LRP1B: variants seen among roughly 807,000 people sequenced by gnomAD.
LRP1B encodes low-density lipoprotein receptor-related protein 1B.
A neutral mutation model predicts 556.6 loss-of-function variants in LRP1B; 217 were observed. The ratio of observed to expected loss-of-function variants is 0.39; its 90% CI spans 0.35 to 0.44. The LOEUF (loss-of-function observed/expected upper bound fraction) is 0.44. Among genes scored for constraint, LRP1B ranks in the 20% least tolerant of loss-of-function variants. LRP1B has a pLI of 1.00. For missense variants in LRP1B, 5,053 were observed against 5,620.8 expected (o/e 0.90, Z 3.23); for synonymous variants, 2,047 against 1,865.8 (o/e 1.10, Z -2.50).
chr2:140,554,838 C>A (rs1022757777), intron 43 of LRP1B, among the ~76,000 whole-genome samples: 9 of 143,540 alleles, frequency 6.3e-5, no homozygotes, highest in African/African-American at 2.4e-4. Flanking sequence ...GCTGCTGCTT[C>A]TTTTAAAGTG....
Position 141,037,159 on chromosome 2 carries a change from T to C in LRP1B, c.1789+11827A>G, listed in dbSNP as rs1400942208. ...GCAGGAAATATTGAAAACTGAGGGA[T>C]GAAAAGACATATTCCAGGTCCCACG... On this transcript the variant is annotated intron_variant, in intron 11 of 90. Coordinates refer to ENST00000389484, the MANE Select transcript of LRP1B (RefSeq NM_018557.3). Among the ~76,000 whole-genome samples, 85 of 151,966 alleles carry C rather than the reference T, an allele frequency of 5.6e-4. 1 individual carries two copies. The highest frequency in any genetic ancestry group is 5.6e-3 in the Admixed American group (85 of 15,234).
At chr2:141,835,913 G>A (rs1680576596) in intron 1 of LRP1B, among the ~76,000 whole-genome samples, 1 of 151,730 alleles carries the variant, frequency 6.6e-6, no homozygotes, top group African/African-American at 2.4e-5. Flanking sequence ...TTCCTCAGTT[G>A]ATAAATTATT....
At position 140,294,728 on chromosome 2, in the gene LRP1B, T is replaced by C. The variant is rs182018769; in HGVS notation, c.12967+3080A>G. ...GTTGTCCTTCATTTGCATGGAATCATTTGGGGTCATGACAATGGTGGAACA... is the reference window on the plus strand; with the variant it reads ...GTTGTCCTTCATTTGCATGGAATCACTTGGGGTCATGACAATGGTGGAACA... On this transcript the variant is annotated intron_variant, in intron 84 of 90. Transcript: ENST00000389484. Among the ~76,000 whole-genome samples the C allele has an allele frequency of 2.4e-3, 369 of 152,144 alleles. 5 individuals are homozygous for C. The highest frequency in any genetic ancestry group is 0.023 in the Admixed American group (349 of 15,276).
intron 3 of LRP1B, among the ~76,000 whole-genome samples, chr2:141,276,344 T>C (rs941222287): frequency 2.0e-5 from 3 of 152,070 alleles, no homozygotes; most frequent in African/African-American, 7.2e-5. Flanking sequence ...GTTTGCTATA[T>C]AGGTAAGTTG....
chr2:141,302,646 C>T (rs1014997686), intron 3 of LRP1B, among the ~76,000 whole-genome samples: 2 of 151,996 alleles, frequency 1.3e-5, no homozygotes, highest in Non-Finnish European at 2.9e-5. Context: ...TATAGAACAG[C>T]CCTATTGTTA....
chr2:141,656,428 T>C (rs982443283), intron 2 of LRP1B, among the ~76,000 whole-genome samples: 1 of 152,186 alleles, frequency 6.6e-6, no homozygotes, highest in African/African-American at 2.4e-5. Context: ...AAATTCTTTC[T>C]GGGCAGTGTT....
intron 18 of LRP1B, among the ~76,000 whole-genome samples, chr2:140,968,467 T>TA (rs1280264021): frequency 1.3e-5 from 2 of 149,088 alleles, no homozygotes; most frequent in African/African-American, 4.9e-5. Context: ...TTGATCTTTT[T>TA]AAAAAAACAA....
At chr2:140,483,335 A>T (rs1688316477) in intron 59 of LRP1B, among the ~76,000 whole-genome samples, 1 of 151,930 alleles carries the variant, frequency 6.6e-6, no homozygotes, top group Admixed American at 6.6e-5. Flanking sequence ...TTTATGGGGT[A>T]ATAACTGTAA....
rs78665706 is a variant in LRP1B, at chr2:140,551,784, T to C, written c.7195-9813A>G. 3.1e-3 allele frequency among the ~76,000 whole-genome samples: 478 copies of C among 152,244 alleles called. 4 individuals carry two copies. The highest frequency in any genetic ancestry group is 0.011 in the African/African-American group (454 of 41,562). On this transcript the variant is annotated intron_variant, in intron 43 of 90. Transcript: ENST00000389484. The stretch of plus-strand genomic sequence containing the variant: ...GAAGAACCCAATTAATACAGCAGTA[T>C]GTACAAATGAAAGACTCCCTAAATC...
chr2:141,658,633 T>A (rs1359663243), intron 2 of LRP1B, among the ~76,000 whole-genome samples: 1 of 152,200 alleles, frequency 6.6e-6, no homozygotes, highest in Non-Finnish European at 1.5e-5. Flanking sequence ...AACTGCCCAG[T>A]CAATCCACAA....
intron 32 of LRP1B, among the ~76,000 whole-genome samples, chr2:140,808,173 G>A (rs1690790627): frequency 9.2e-6 from 1 of 109,106 alleles, no homozygotes; most frequent in Non-Finnish European, 2.2e-5. Context: ...CTTTTATCTA[G>A]CAACTTGAAA....
At position 140,373,001 on chromosome 2, in the gene LRP1B, C is replaced by A. The variant is rs369898187; in HGVS notation, c.10768+7G>T. The A allele has an allele frequency of 2.2e-5, 36 of 1,612,542 alleles. No homozygotes were observed. The African/African-American group carries it at 4.4e-4, about 20-fold the overall frequency. On this transcript the variant is annotated splice_region_variant and intron_variant, in intron 69 of 90. Coordinates refer to ENST00000389484, the MANE Select transcript of LRP1B (RefSeq NM_018557.3). Reference sequence around the variant, plus strand: ...AACTAAATGATATATTACTTCAATCCTTTTACCTGGCTCACAGCTTTTCTC... The same window carrying A: ...AACTAAATGATATATTACTTCAATCATTTTACCTGGCTCACAGCTTTTCTC...
intron 1 of LRP1B, among the ~76,000 whole-genome samples, chr2:141,919,045 G>A (rs1700111151): frequency 6.6e-6 from 1 of 151,952 alleles, no homozygotes; most frequent in Admixed American, 6.6e-5. Flanking sequence ...ACAAAATGAT[G>A]ATCAATATGC....
chr2:142,082,435 G>A (rs1239317409), intron 1 of LRP1B, among the ~76,000 whole-genome samples: 1 of 152,002 alleles, frequency 6.6e-6, no homozygotes, highest in Non-Finnish European at 1.5e-5. Context: ...AGAAGTAATA[G>A]GCATTTAGTG....
chr2:140,285,103 A>C (rs1159434), intron 84 of LRP1B, among the ~76,000 whole-genome samples: 35,848 of 148,950 alleles, frequency 0.24, 4,600 homozygotes, highest in Admixed American at 0.34. Context: ...CTCTCTCTCT[A>C]TATATATATG....
intron 2 of LRP1B, among the ~76,000 whole-genome samples, chr2:141,571,385 C>T (rs1033296538): frequency 7.1e-6 from 1 of 141,242 alleles, no homozygotes; most frequent in Non-Finnish European, 1.6e-5. Flanking sequence ...TCAACAACAA[C>T]AACAAAAAAT....
chr2:140,463,201 T>G (rs1687394893), intron 60 of LRP1B, among the ~76,000 whole-genome samples: 1 of 152,002 alleles, frequency 6.6e-6, no homozygotes, highest in Non-Finnish European at 1.5e-5. Context: ...GATAATGGTT[T>G]CTAGTTGATG....
chr2:140,502,412 A>C (rs1362448837), intron 54 of LRP1B, among the ~76,000 whole-genome samples: 1 of 152,068 alleles, frequency 6.6e-6, no homozygotes, highest in African/African-American at 2.4e-5. Flanking sequence ...AATACTCACC[A>C]TCATACATGC....
chr2:142,121,720 C>T (rs1199799644), intron 1 of LRP1B, among the ~76,000 whole-genome samples: 1 of 152,016 alleles, frequency 6.6e-6, no homozygotes, highest in Non-Finnish European at 1.5e-5. Context: ...CTGTTTCTGT[C>T]TCCTCTTGCA....
Sources: gnomAD v4.1 joint callset for allele counts (sites outside exome capture counted in the v4.1 genomes callset) on GRCh38, gnomAD v4.1.1 for gene constraint, MANE v1.5 for transcripts, NCBI Gene and HGNC (gene_info 2026-07-23, HGNC 2026-07-21) for gene names.